CLIP2: variants seen among roughly 807,000 people sequenced by gnomAD.
CLIP2 encodes CAP-Gly domain containing linker protein 2.
Under a neutral mutation model 111.7 loss-of-function variants are expected in CLIP2, and 41 were observed. The observed-to-expected ratio is 0.37, with a 90% CI of 0.29 to 0.48. The LOEUF (loss-of-function observed/expected upper bound fraction) is 0.48. CLIP2 is among the 20% of genes least tolerant of loss of function. The pLI, the probability that CLIP2 is intolerant of heterozygous loss-of-function variation, is 0.99. For synonymous variants in CLIP2, 660 were observed against 644.2 expected (o/e 1.02, Z -0.37); for missense variants, 1,160 against 1,422.1 (o/e 0.82, Z 2.96).
rs1791748524 is a variant in CLIP2 at position 74,405,473 on chromosome 7, A to G, written c.*1625A>G. Reference sequence around the variant, plus strand: ...AGGTGGCGCTCACGTTCCTGCCCAAATGCAGCCCATCGGGGAGTCACAGTC... The same window carrying G: ...AGGTGGCGCTCACGTTCCTGCCCAAGTGCAGCCCATCGGGGAGTCACAGTC... On this transcript the variant is annotated 3_prime_UTR_variant, in exon 17 of 17. Transcript: ENST00000223398. 6.6e-6 allele frequency: 1 copy of G among 152,584 alleles called. No individual in the cohort carries two copies. The highest frequency in any genetic ancestry group is 1.5e-5 in the Non-Finnish European group (1 of 68,154). The allele number at this position is 152,584 out of a possible 1,614,324, so 9.5% of individuals were successfully genotyped here. A position where few individuals can be genotyped will look rare whatever the true frequency, so the allele number is the denominator to read the frequency against.
At chr7:74,321,978 T>C (rs1554730094) in intron 2 of CLIP2, among the ~76,000 whole-genome samples, 1 of 137,088 alleles carries the variant, frequency 7.3e-6, no homozygotes, top group Non-Finnish European at 1.6e-5. Flanking sequence ...TATTTTATTT[T>C]ATTTTTCCTT....
At chr7:74,342,712 A>G (rs539331) in intron 3 of CLIP2, among the ~76,000 whole-genome samples, 145,322 of 152,172 alleles carry the variant, frequency 0.95, 69,437 homozygotes, top group East Asian at 1. Context: ...TCAGGAGTTC[A>G]AGACCAGCCT....
At chr7:74,382,948 C>T (rs1283129293) in intron 11 of CLIP2, among the ~76,000 whole-genome samples, 1 of 151,548 alleles carries the variant, frequency 6.6e-6, no homozygotes, top group Non-Finnish European at 1.5e-5. Flanking sequence ...GGTATGGTGG[C>T]ATGCAGCTAT....
intron 8 of CLIP2, among the ~76,000 whole-genome samples, chr7:74,367,407 G>A (rs925898358): frequency 6.6e-6 from 1 of 152,048 alleles, no homozygotes; most frequent in African/African-American, 2.4e-5. Flanking sequence ...AGCCAGGATG[G>A]TCTCAATCTC....
At chr7:74,329,550 ATTGTTTGTTTGT>A (rs138221844) in intron 2 of CLIP2, among the ~76,000 whole-genome samples, 22 of 151,814 alleles carry the variant, frequency 1.4e-4, no homozygotes, top group Admixed American at 1.3e-3. Context: ...TGGAGGTTAA[ATTGTTTGTTTGT>A]TTGTTTGTTT....
At chr7:74,368,473 C>T (rs918091104) in intron 8 of CLIP2, among the ~76,000 whole-genome samples, 5 of 151,500 alleles carry the variant, frequency 3.3e-5, no homozygotes, top group Non-Finnish European at 7.4e-5. Flanking sequence ...GCCGAGATCG[C>T]GTCATTGCAC....
rs150857302 is a variant in CLIP2 at position 74,319,529 on chromosome 7, A to G, written c.121+1862A>G. Among the ~76,000 whole-genome samples, 373 of 152,170 alleles carry G rather than the reference A, an allele frequency of 2.5e-3. 2 individuals are homozygous for G. The highest frequency in any genetic ancestry group is 8.8e-3 in the African/African-American group (364 of 41,532). On this transcript the variant is annotated intron_variant, in intron 2 of 16. Transcript: ENST00000223398. Reference sequence around the variant, plus strand: ...TCAAAAAATAAAATAAAATAAAGAAAGAAAGAGAAGCCAGCATGGTGGCTC... The same window carrying G: ...TCAAAAAATAAAATAAAATAAAGAAGGAAAGAGAAGCCAGCATGGTGGCTC...
intron 1 of CLIP2, among the ~76,000 whole-genome samples, chr7:74,294,744 A>G (rs1554725855): frequency 2.0e-5 from 3 of 152,152 alleles, no homozygotes; most frequent in Admixed American, 6.6e-5. Flanking sequence ...ACAAGCTTTT[A>G]CTAAATTGGG....
At chr7:74,393,423 A>T (rs1292628119) in intron 13 of CLIP2, among the ~76,000 whole-genome samples, 2 of 149,874 alleles carry the variant, frequency 1.3e-5, no homozygotes, top group Non-Finnish European at 3.0e-5. Flanking sequence ...TGCAACCTCC[A>T]CCTCCTAGGT....
intron 12 of CLIP2, among the ~76,000 whole-genome samples, chr7:74,388,387 C>G (rs189573556): frequency 6.6e-6 from 1 of 152,022 alleles, no homozygotes; most frequent in East Asian, 1.9e-4. Flanking sequence ...GTAATCTCAG[C>G]TACTTGGGAG....
rs926785732 is a variant in CLIP2 at position 74,294,500 on chromosome 7, C to T, written c.-68+4766C>T. 1.9e-4 allele frequency among the ~76,000 whole-genome samples: 29 copies of T among 152,268 alleles called. No individual in the cohort carries two copies. The East Asian group carries it at 2.3e-3, about 12-fold the overall frequency. ...CTTCCACTCTAGCCTGAGCCCTGAG[C>T]GACACCCGCTCCCGATTCATTTCCC... On this transcript the variant is annotated intron_variant, in intron 1 of 16. Transcript: ENST00000223398.
At chr7:74,330,830 C>T (rs1445207226) in intron 2 of CLIP2, among the ~76,000 whole-genome samples, 1 of 151,964 alleles carries the variant, frequency 6.6e-6, no homozygotes, top group African/African-American at 2.4e-5. Context: ...AATAGTGAGT[C>T]AGTTTTTCCT....
At chr7:74,346,964 A>G (rs1789814999) in intron 3 of CLIP2, among the ~76,000 whole-genome samples, 1 of 151,892 alleles carries the variant, frequency 6.6e-6, no homozygotes. Context: ...GTTTGAGCCC[A>G]GAAGTTCGAG....
intron 2 of CLIP2, among the ~76,000 whole-genome samples, chr7:74,333,645 C>A (rs1789364483): frequency 6.6e-6 from 1 of 151,920 alleles, no homozygotes; most frequent in African/African-American, 2.4e-5. Flanking sequence ...CCATGGCTGG[C>A]TAATTTTTGT....
At chr7:74,400,842 C>G (rs531673127) in intron 15 of CLIP2, among the ~76,000 whole-genome samples, 1 of 146,934 alleles carries the variant, frequency 6.8e-6, no homozygotes, top group South Asian at 2.2e-4. Flanking sequence ...AACCCCTGGT[C>G]TGAAGGGGGA....
chr7:74,333,313 AG>A lies in CLIP2; in HGVS notation c.122-5134del, dbSNP rs199812508. 2.0e-3 allele frequency among the ~76,000 whole-genome samples: 306 copies of A among 151,678 alleles called. 1 individual carries two copies. The highest frequency in any genetic ancestry group is 4.1e-3 in the African/African-American group (170 of 41,320). ...ATTCTCCTGCCTCAGCCTCCCAAGT[AG>A]CTTGGATCACAGGCACCTGCCACCA... On this transcript the variant is annotated intron_variant, in intron 2 of 16. Transcript: ENST00000223398.
At chr7:74,332,372 T>C (rs978812594) in intron 2 of CLIP2, among the ~76,000 whole-genome samples, 2 of 151,508 alleles carry the variant, frequency 1.3e-5, no homozygotes, top group Non-Finnish European at 2.9e-5. Context: ...CTGTGCCCCG[T>C]GTAATTTTTT....
At chr7:74,366,615 C>T (rs372454641) in intron 8 of CLIP2, among the ~76,000 whole-genome samples, 10 of 152,206 alleles carry the variant, frequency 6.6e-5, no homozygotes, top group African/African-American at 9.6e-5. Context: ...TGGTGGCTCA[C>T]GCCTGTAATC....
chr7:74,398,201 A>G (rs1388917991), intron 14 of CLIP2, among the ~76,000 whole-genome samples: 5 of 152,020 alleles, frequency 3.3e-5, no homozygotes, highest in African/African-American at 1.2e-4. Context: ...TCTGCTAAAA[A>G]TACAAAAATT....
Sources: allele counts gnomAD v4.1 joint callset (sites outside exome capture counted in the v4.1 genomes callset), GRCh38; gene constraint gnomAD v4.1.1; transcripts MANE v1.5; gene names NCBI Gene and HGNC (gene_info 2026-07-23, HGNC 2026-07-21).